CALD1: variants seen among roughly 807,000 people sequenced by gnomAD.
CALD1 encodes caldesmon 1, also known as caldesmon.
CALD1 carries 33 observed loss-of-function variants against 99.9 expected under a neutral mutation model. That is an observed-to-expected ratio of 0.33 (90% CI 0.25 to 0.44). CALD1 has a LOEUF of 0.44. CALD1 is among the 20% of genes least tolerant of loss of function. CALD1 has a pLI of 1.00. For synonymous variants in CALD1, 310 were observed against 325.0 expected (o/e 0.95, Z 0.50); for missense variants, 861 against 962.1 (o/e 0.89, Z 1.39).
intron 2 of CALD1, among the ~76,000 whole-genome samples, chr7:134,863,822 AG>A: frequency 6.6e-6 from 1 of 152,230 alleles, no homozygotes; most frequent in Non-Finnish European, 1.5e-5. Flanking sequence ...TTTCCGACAC[AG>A]GGTGGGAGAC....
chr7:134,885,856 T>C (rs999083348), intron 3 of CALD1, among the ~76,000 whole-genome samples: 5 of 151,992 alleles, frequency 3.3e-5, no homozygotes, highest in Admixed American at 1.3e-4. Context: ...ATTATTATCG[T>C]TTTCACCGAG....
chr7:134,733,670 G>A, the CALD1 span, among the ~76,000 whole-genome samples: 2 of 151,960 alleles, frequency 1.3e-5, no homozygotes, highest in East Asian at 1.9e-4. Context: ...TTAGCCGGGC[G>A]TGGTGGTGGG....
At chr7:134,939,334 C>T (rs545534273) in intron 6 of CALD1, among the ~76,000 whole-genome samples, 1 of 152,134 alleles carries the variant, frequency 6.6e-6, no homozygotes, top group African/African-American at 2.4e-5. Flanking sequence ...CTGGTCCAAC[C>T]GCATTTTTTC....
intron 9 of CALD1, among the ~76,000 whole-genome samples, chr7:134,952,833 G>A (rs1807463849): frequency 6.6e-6 from 1 of 152,118 alleles, no homozygotes; most frequent in Non-Finnish European, 1.5e-5. Context: ...TAAATTATTT[G>A]TACTTGAACC....
At chr7:134,748,051 C>G (rs960345282) in intron 1 of CALD1, among the ~76,000 whole-genome samples, 2 of 152,236 alleles carry the variant, frequency 1.3e-5, no homozygotes, top group Non-Finnish European at 2.9e-5. Context: ...GGACTGCCAT[C>G]CCAGTGGGTC....
chr7:134,756,272 C>CAAAAAAAAAA (rs36011477), intron 1 of CALD1, among the ~76,000 whole-genome samples: 1 of 76,864 alleles, frequency 1.3e-5, no homozygotes, highest in South Asian at 5.6e-4. Context: ...GACTTTGTCT[C>CAAAAAAAAAA]AAAAAAAAAA....
chr7:134,944,316 T>C (rs1806686026), intron 7 of CALD1: 1 of 152,042 alleles, frequency 6.6e-6, no homozygotes. Context: ...AGTACACACC[T>C]GTATATATTT....
At chr7:134,860,319 G>C (rs562033389) in intron 2 of CALD1, among the ~76,000 whole-genome samples, 2 of 152,110 alleles carry the variant, frequency 1.3e-5, no homozygotes, top group African/African-American at 2.4e-5. Context: ...GAGCAAAGTG[G>C]GTTGACAAAT....
chr7:134,801,140 T>C (rs1291607497), intron 1 of CALD1, among the ~76,000 whole-genome samples: 1 of 152,166 alleles, frequency 6.6e-6, no homozygotes, highest in Admixed American at 6.5e-5. Context: ...ATTATGTTTA[T>C]TGATTCCCTT....
rs1361213763 is a variant in CALD1, at chr7:134,958,497, C to G, written c.2061+207C>G. On this transcript the variant is annotated intron_variant, in intron 11 of 14. Coordinates refer to ENST00000361675, the MANE Select transcript of CALD1 (RefSeq NM_033138.4). ...AATCTCAGCTCACTGCAACGTCTGC[C>G]TCCTGGGGTCAAGCAATTCTGCCTC... Among the ~76,000 whole-genome samples, 3 of 150,472 alleles carry G rather than the reference C, an allele frequency of 2.0e-5. No homozygotes were observed. In the East Asian group the frequency reaches 5.9e-4, roughly 29 times the overall value.
intron 1 of CALD1, among the ~76,000 whole-genome samples, chr7:134,821,607 G>GA (rs1798781538): frequency 2.7e-5 from 3 of 110,692 alleles, no homozygotes; most frequent in Admixed American, 9.4e-5. Flanking sequence ...TTTTGAGACA[G>GA]AGTCTCGCTC....
At chr7:134,914,773 G>A (rs1804084864) in intron 3 of CALD1, among the ~76,000 whole-genome samples, 1 of 152,184 alleles carries the variant, frequency 6.6e-6, no homozygotes, top group African/African-American at 2.4e-5. Flanking sequence ...AAAAGAGCCA[G>A]CTTGAATACC....
At chr7:134,807,598 G>A (rs756506060) in intron 1 of CALD1, among the ~76,000 whole-genome samples, 22 of 152,124 alleles carry the variant, frequency 1.4e-4, no homozygotes, top group Non-Finnish European at 2.9e-4. Flanking sequence ...AGAGGGTGGA[G>A]GAAGAAGAGG....
intron 3 of CALD1, among the ~76,000 whole-genome samples, chr7:134,883,802 T>C (rs140379823): frequency 1.3e-5 from 2 of 152,168 alleles, no homozygotes; most frequent in East Asian, 3.9e-4. Flanking sequence ...TATTAGTGAG[T>C]GTAAAGAAAG....
chr7:134,749,953 T>G (rs1796670723), intron 1 of CALD1, among the ~76,000 whole-genome samples: 1 of 152,108 alleles, frequency 6.6e-6, no homozygotes, highest in African/African-American at 2.4e-5. Flanking sequence ...GCGCCTTCTA[T>G]AAGGGAACCA....
intron 11 of CALD1, 73 bp downstream of exon 11, chr7:134,958,363 C>A: frequency 2.6e-6 from 3 of 1,156,006 alleles, no homozygotes; most frequent in Non-Finnish European, 3.9e-6. Flanking sequence ...AGCATAAAAA[C>A]ACTTAGGACA....
chr7:134,925,708 C>T (rs532241893), intron 3 of CALD1, among the ~76,000 whole-genome samples: 1 of 152,298 alleles, frequency 6.6e-6, no homozygotes, highest in South Asian at 2.1e-4. Flanking sequence ...TCAGCTCCCA[C>T]CACATTCCTT....
At chr7:134,926,053 A>T (rs2132868720) in intron 3 of CALD1, among the ~76,000 whole-genome samples, 1 of 152,344 alleles carries the variant, frequency 6.6e-6, no homozygotes, top group African/African-American at 2.4e-5. Context: ...TTTCTACTTC[A>T]ACTACAATGT....
chr7:134,917,823 T>C (rs1487672508), intron 3 of CALD1, among the ~76,000 whole-genome samples: 1 of 152,146 alleles, frequency 6.6e-6, no homozygotes, highest in Non-Finnish European at 1.5e-5. Context: ...AGGAGTTTGG[T>C]TATTTTATTT....
Sources: allele counts gnomAD v4.1 joint callset (sites outside exome capture counted in the v4.1 genomes callset), GRCh38; gene constraint gnomAD v4.1.1; transcripts MANE v1.5; gene names NCBI Gene and HGNC (gene_info 2026-07-23, HGNC 2026-07-21).